The following TXLNB variants were observed in gnomAD, a reference collection of about 807,000 sequenced individuals.
The protein encoded by TXLNB is beta-taxilin.
TXLNB carries 37 observed loss-of-function variants against 57.4 expected under a neutral mutation model. The ratio of observed to expected loss-of-function variants is 0.64; its 90% CI spans 0.50 to 0.85. The LOEUF (loss-of-function observed/expected upper bound fraction) is 0.85, where lower values mean the gene tolerates loss of function less well. Ranked by LOEUF, TXLNB falls within the 40% of genes least tolerant of loss-of-function variation. The pLI is 0.00. For missense variants in TXLNB, 848 were observed against 825.6 expected (o/e 1.03, Z -0.33); for synonymous variants, 302 against 309.6 (o/e 0.98, Z 0.26).
the TXLNB span, among the ~76,000 whole-genome samples, chr6:139,175,582 T>G: frequency 6.6e-6 from 1 of 152,214 alleles, no homozygotes; most frequent in African/African-American, 2.4e-5. Context: ...AAAGAACTTT[T>G]GAGCCTGTTA....
chr6:139,179,212 T>TAAG, the TXLNB span: 1 of 152,228 alleles, frequency 6.6e-6, no homozygotes, highest in Non-Finnish European at 1.5e-5. Context: ...CAAAAAGTGC[T>TAAG]AAGTTTCTCT....
chr6:139,173,538 G>A, the TXLNB span, among the ~76,000 whole-genome samples: 1 of 152,110 alleles, frequency 6.6e-6, no homozygotes, highest in Non-Finnish European at 1.5e-5. Flanking sequence ...TGAATATGAG[G>A]CCACTTAGGA....
chr6:139,284,074 C>T (rs775166936), intron 2 of TXLNB, among the ~76,000 whole-genome samples: 1 of 145,392 alleles, frequency 6.9e-6, no homozygotes, highest in Non-Finnish European at 1.5e-5. Flanking sequence ...CTCCCATGCT[C>T]GCCTAAAAAT....
chr6:139,166,858 T>C, the TXLNB span: 17 of 1,613,980 alleles, frequency 1.1e-5, no homozygotes, highest in South Asian at 1.9e-4. Flanking sequence ...TCCTCTCTCC[T>C]GCCCACTTCA....
intron 7 of TXLNB, among the ~76,000 whole-genome samples, chr6:139,250,288 C>A (rs921248815): frequency 6.6e-6 from 1 of 151,678 alleles, no homozygotes; most frequent in African/African-American, 2.4e-5. Context: ...GCCACTGTAC[C>A]CAGCCAATCA....
At chr6:139,212,105 T>C in the TXLNB span, among the ~76,000 whole-genome samples, 1 of 151,970 alleles carries the variant, frequency 6.6e-6, no homozygotes, top group Non-Finnish European at 1.5e-5. Context: ...AGGCCAACAT[T>C]CAAATTCAGG....
the TXLNB span, among the ~76,000 whole-genome samples, chr6:139,204,175 C>T: frequency 6.6e-6 from 1 of 152,108 alleles, no homozygotes; most frequent in Non-Finnish European, 1.5e-5. Context: ...CTCTGCCTCC[C>T]AAGTAGCTGG....
chr6:139,318,104 C>A, the TXLNB span, among the ~76,000 whole-genome samples: 1 of 151,516 alleles, frequency 6.6e-6, no homozygotes, highest in Non-Finnish European at 1.5e-5. Flanking sequence ...CCCGTCCCTA[C>A]TAAAAAATAC....
the TXLNB span, among the ~76,000 whole-genome samples, chr6:139,214,976 G>A: frequency 6.6e-6 from 1 of 152,188 alleles, no homozygotes; most frequent in Non-Finnish European, 1.5e-5. Context: ...TGAAATAAAA[G>A]AGGATACAAA....
chr6:139,177,177 A>G, the TXLNB span: 1 of 671,514 alleles, frequency 1.5e-6, no homozygotes, highest in Non-Finnish European at 2.5e-6. The surrounding 1 kb of genome is among the most constrained non-coding windows in gnomAD (Gnocchi z 4.9). Context: ...ATAGGGAAAC[A>G]TTCTGTGACA....
At chr6:139,230,501 T>G in the TXLNB span, among the ~76,000 whole-genome samples, 1 of 152,240 alleles carries the variant, frequency 6.6e-6, no homozygotes, top group South Asian at 2.1e-4. Flanking sequence ...TAGTTAAAGA[T>G]AGTAACCATC....
the TXLNB span, among the ~76,000 whole-genome samples, chr6:139,174,821 A>G: frequency 6.6e-6 from 1 of 152,230 alleles, no homozygotes; most frequent in African/African-American, 2.4e-5. Flanking sequence ...GTAAGTGAGC[A>G]TGAAAAGGGA....
At chr6:139,272,918 C>T (rs1373138209) in intron 3 of TXLNB, among the ~76,000 whole-genome samples, 5 of 152,022 alleles carry the variant, frequency 3.3e-5, no homozygotes, top group Non-Finnish European at 7.4e-5. Context: ...CCTGTAATTC[C>T]AGCTACTTGG....
intron 8 of TXLNB, chr6:139,245,460 G>A (rs1395209920): frequency 6.6e-6 from 1 of 152,176 alleles, no homozygotes; most frequent in Non-Finnish European, 1.5e-5. Flanking sequence ...ATTCTTGTTT[G>A]TAGGATCTCT....
At chr6:139,190,333 A>G in the TXLNB span, among the ~76,000 whole-genome samples, 17 of 114,750 alleles carry the variant, frequency 1.5e-4, no homozygotes, top group East Asian at 3.5e-3. Context: ...TTTTTGAGAC[A>G]GAGTCTCGCT....
chr6:139,295,023 C>G (rs891960204), upstream of TXLNB, among the ~76,000 whole-genome samples: 1 of 152,030 alleles, frequency 6.6e-6, no homozygotes, highest in African/African-American at 2.4e-5. Flanking sequence ...ATTAGTCACT[C>G]AGTTTATGTT....
chr6:139,322,828 T>C, the TXLNB span, among the ~76,000 whole-genome samples: 2 of 152,236 alleles, frequency 1.3e-5, no homozygotes, highest in African/African-American at 4.8e-5. Flanking sequence ...TTTTACTTAT[T>C]TGCTGTGTTT....
the TXLNB span, among the ~76,000 whole-genome samples, chr6:139,230,319 A>G: frequency 2.0e-5 from 3 of 152,230 alleles, no homozygotes; most frequent in African/African-American, 4.8e-5. Context: ...GGCCAGTAGG[A>G]TCTGCAATCA....
chr6:139,245,816 C>T (rs1346581547), intron 8 of TXLNB, among the ~76,000 whole-genome samples: 2 of 152,178 alleles, frequency 1.3e-5, no homozygotes, highest in Non-Finnish European at 2.9e-5. Flanking sequence ...CCTCAGCCTC[C>T]TGAGTAGCTG....
Sources: allele counts gnomAD v4.1 joint callset (sites outside exome capture counted in the v4.1 genomes callset), GRCh38; gene constraint gnomAD v4.1.1; non-coding constraint Gnocchi (gnomAD v3.1); transcripts MANE v1.5; gene names NCBI Gene and HGNC (gene_info 2026-07-23, HGNC 2026-07-21).